The following PREX1 variants were observed in gnomAD, a reference collection of about 807,000 sequenced individuals.
PREX1 encodes phosphatidylinositol 3,4,5-trisphosphate-dependent Rac exchanger 1 protein.
In PREX1, 41 loss-of-function variants were observed where a neutral mutation model predicts 198.3. The ratio of observed to expected loss-of-function variants is 0.21; its 90% CI spans 0.16 to 0.27. The LOEUF is 0.27. Among genes scored for constraint, PREX1 ranks in the 10% least tolerant of loss-of-function variants. PREX1 has a pLI of 1.00. For synonymous variants in PREX1, 843 were observed against 887.2 expected, an observed-to-expected ratio of 0.95 and a Z score of 0.89; for missense variants, 1,620 against 2,200.7, an observed-to-expected ratio of 0.74 and a Z score of 5.28.
At chr20:48,747,991 C>A (rs1254692938) in intron 1 of PREX1, 111 bp from the exon 2 acceptor site, 3 of 950,004 alleles carry the variant, frequency 3.2e-6, no homozygotes, top group Non-Finnish European at 4.9e-6. Context: ...GGAGGTACCA[C>A]GAGTCCAGGG....
At chr20:48,754,797 G>C (rs574162771) in intron 1 of PREX1, among the ~76,000 whole-genome samples, 1 of 151,984 alleles carries the variant, frequency 6.6e-6, no homozygotes, top group Non-Finnish European at 1.5e-5. Context: ...GCGGGGAGTC[G>C]GAAGCACAGT....
chr20:48,656,684 C>G (rs1202524051), intron 18 of PREX1, among the ~76,000 whole-genome samples: 1 of 152,180 alleles, frequency 6.6e-6, no homozygotes. Flanking sequence ...TGGCCCCTTT[C>G]CCGGGTTTAT....
chr20:48,628,922 G>A (rs2089292752), intron 37 of PREX1, among the ~76,000 whole-genome samples: 1 of 152,148 alleles, frequency 6.6e-6, no homozygotes, highest in Non-Finnish European at 1.5e-5. Flanking sequence ...AGCCAAGGAG[G>A]AAATAAATAC....
At chr20:48,848,248 C>CTT in the PREX1 span, among the ~76,000 whole-genome samples, 22 of 140,522 alleles carry the variant, frequency 1.6e-4, no homozygotes, top group African/African-American at 4.2e-4. Flanking sequence ...TACATTTTTT[C>CTT]TTTTTTTTTT....
intron 1 of PREX1, among the ~76,000 whole-genome samples, chr20:48,772,163 C>T (rs373667067): frequency 6.6e-6 from 1 of 152,034 alleles, no homozygotes; most frequent in Non-Finnish European, 1.5e-5. Flanking sequence ...CACTGCACTC[C>T]GGCCTGGCTG....
intron 14 of PREX1, among the ~76,000 whole-genome samples, chr20:48,675,665 T>C (rs897448933): frequency 6.6e-6 from 1 of 152,154 alleles, no homozygotes; most frequent in Non-Finnish European, 1.5e-5. Flanking sequence ...TTGGGAAGAT[T>C]AGAAGGTCTG....
intron 18 of PREX1, chr20:48,656,431 C>A: frequency 6.6e-6 from 3 of 455,994 alleles, no homozygotes; most frequent in Non-Finnish European, 1.3e-5. Flanking sequence ...CAGGGCTGGA[C>A]CCCGTTACCC....
intron 17 of PREX1, 52 bp downstream of exon 17, chr20:48,658,084 C>A: frequency 1.9e-6 from 3 of 1,552,180 alleles, no homozygotes; most frequent in Non-Finnish European, 2.6e-6. Flanking sequence ...AAGAGAGACA[C>A]CCCGCTCTGC....
At chr20:48,743,711 T>C (rs2090093119) in intron 3 of PREX1, among the ~76,000 whole-genome samples, 1 of 152,216 alleles carries the variant, frequency 6.6e-6, no homozygotes, top group African/African-American at 2.4e-5. Flanking sequence ...ATTTATCCCG[T>C]TTATGGGTAA....
At chr20:48,809,996 C>T (rs1368680045) in intron 1 of PREX1, among the ~76,000 whole-genome samples, 1 of 152,132 alleles carries the variant, frequency 6.6e-6, no homozygotes. Context: ...ACAAGAAGGA[C>T]CACTCACAAA....
At chr20:48,761,941 G>C (rs2090182306) in intron 1 of PREX1, among the ~76,000 whole-genome samples, 1 of 152,216 alleles carries the variant, frequency 6.6e-6, no homozygotes, top group Non-Finnish European at 1.5e-5. Context: ...CCACAAGGCT[G>C]CAGGTGCTGT....
At chr20:48,632,745 G>A (rs1181701320) in intron 33 of PREX1, 106 bp from the exon 34 acceptor site, 3 of 1,293,368 alleles carry the variant, frequency 2.3e-6, no homozygotes, top group East Asian at 4.8e-5. Context: ...CCCAGGTCCA[G>A]GGGGGCACCC....
intron 4 of PREX1, 83 bp downstream of exon 4, chr20:48,734,463 G>T (rs2122727065): frequency 1.7e-6 from 2 of 1,171,692 alleles, no homozygotes; most frequent in Non-Finnish European, 2.5e-6. Flanking sequence ...GCACCATGGG[G>T]CAGCATGAAG....
At chr20:48,831,829 G>A (rs113661602), upstream of PREX1, among the ~76,000 whole-genome samples, 2 of 152,342 alleles carry the variant, frequency 1.3e-5, no homozygotes, top group African/African-American at 4.8e-5. Context: ...TCAGCCAGGG[G>A]CCTCAGCCTT....
intron 1 of PREX1, among the ~76,000 whole-genome samples, chr20:48,785,965 C>G (rs1303269513): frequency 2.0e-5 from 3 of 152,138 alleles, no homozygotes; most frequent in Non-Finnish European, 4.4e-5. Context: ...ATGGATGGGC[C>G]GGTGCCTTCC....
the PREX1 span, among the ~76,000 whole-genome samples, chr20:48,885,896 G>A: frequency 2.6e-5 from 4 of 152,206 alleles, no homozygotes; most frequent in East Asian, 5.8e-4. Context: ...GTAGTTGCCA[G>A]GGGTTAGAGA....
At chr20:48,664,417 G>C (rs1235867129) in intron 15 of PREX1, among the ~76,000 whole-genome samples, 11 of 151,994 alleles carry the variant, frequency 7.2e-5, no homozygotes, top group Admixed American at 5.9e-4. Flanking sequence ...GGAGCAGAGT[G>C]ATGACGGGGA....
chr20:48,767,298 T>C (rs79361685), intron 1 of PREX1, among the ~76,000 whole-genome samples: 1,656 of 152,174 alleles, frequency 0.011, 17 homozygotes, highest in Non-Finnish European at 0.016. Flanking sequence ...AGTCTTTCAA[T>C]GGCTCCTTCC....
At chr20:48,679,508 G>A (rs2089733543) in intron 12 of PREX1, 99 bp from the exon 13 acceptor site, 2 of 1,440,722 alleles carry the variant, frequency 1.4e-6, no homozygotes, top group Non-Finnish European at 1.9e-6. Flanking sequence ...GACGGGGCAG[G>A]GCAGGGTAAT....
Sources: allele counts gnomAD v4.1 joint callset (sites outside exome capture counted in the v4.1 genomes callset), GRCh38; gene constraint gnomAD v4.1.1; transcripts MANE v1.5; gene names NCBI Gene and HGNC (gene_info 2026-07-23, HGNC 2026-07-21).